Variants in TCF7L2 observed in about 807,000 individuals in gnomAD.
TCF7L2 encodes transcription factor 7 like 2, also known as transcription factor 7-like 2.
TCF7L2 carries 23 observed loss-of-function variants against 77.9 expected under a neutral mutation model. The observed-to-expected ratio is 0.30, with a 90% confidence interval of 0.21 to 0.42. The LOEUF (loss-of-function observed/expected upper bound fraction) is 0.42, where lower values mean the gene tolerates loss of function less well. TCF7L2 is among the 10% of genes least tolerant of loss of function. The pLI is 1.00. For missense variants in TCF7L2, 654 were observed against 793.1 expected (o/e 0.82, Z 2.11); for synonymous variants, 413 against 340.2 (o/e 1.21, Z -2.36).
intron 4 of TCF7L2, among the ~76,000 whole-genome samples, chr10:113,020,507 C>A (rs1564792296): frequency 6.6e-6 from 1 of 152,158 alleles, no homozygotes; most frequent in South Asian, 2.1e-4. Flanking sequence ...GCTGGAGGAC[C>A]AGATGGGCTT....
At chr10:113,089,332 G>T in intron 5 of TCF7L2, 3 of 1,543,814 alleles carry the variant, frequency 1.9e-6, no homozygotes, top group Non-Finnish European at 2.6e-6. Flanking sequence ...TGGGGGCTGT[G>T]TGTGCCTTGG....
intron 5 of TCF7L2, among the ~76,000 whole-genome samples, chr10:113,119,210 T>C (rs960263622): frequency 4.6e-5 from 7 of 152,156 alleles, no homozygotes; most frequent in African/African-American, 1.7e-4. Context: ...AGGCCAGTGG[T>C]CGATAGGAGA....
intron 4 of TCF7L2, among the ~76,000 whole-genome samples, chr10:113,007,568 G>A (rs962551199): frequency 1.1e-4 from 16 of 152,344 alleles, no homozygotes; most frequent in Non-Finnish European, 1.6e-4. Flanking sequence ...GTTGTGCTGC[G>A]TTGTGGCAGC....
At chr10:112,984,316 T>A (rs185952675) in intron 4 of TCF7L2, among the ~76,000 whole-genome samples, 127 of 152,240 alleles carry the variant, frequency 8.3e-4, no homozygotes, top group African/African-American at 2.8e-3. Flanking sequence ...TTGTTTTTGT[T>A]TTTTTTTGGC....
At chr10:113,008,465 C>A (rs1452826155) in intron 4 of TCF7L2, among the ~76,000 whole-genome samples, 1 of 152,206 alleles carries the variant, frequency 6.6e-6, no homozygotes, top group Non-Finnish European at 1.5e-5. Context: ...TGCCAGAATT[C>A]CCCTTGGATT....
chr10:113,019,095 G>T (rs576336883), intron 4 of TCF7L2, among the ~76,000 whole-genome samples: 1 of 152,326 alleles, frequency 6.6e-6, no homozygotes, highest in East Asian at 1.9e-4. Flanking sequence ...AGCAGTGAAT[G>T]GTAGAGCATC....
chr10:113,036,210 G>A (rs1283278145), intron 4 of TCF7L2, among the ~76,000 whole-genome samples: 1 of 151,540 alleles, frequency 6.6e-6, no homozygotes, highest in Non-Finnish European at 1.5e-5. Context: ...TTTATACAGA[G>A]CCCCCAGTAG....
intron 5 of TCF7L2, among the ~76,000 whole-genome samples, chr10:113,109,596 G>A (rs1422541183): frequency 6.6e-6 from 1 of 152,134 alleles, no homozygotes. Context: ...TCTCCACGTT[G>A]GCTAGGCTGG....
At chr10:112,958,178 T>G (rs1431617341) in intron 3 of TCF7L2, among the ~76,000 whole-genome samples, 1 of 152,204 alleles carries the variant, frequency 6.6e-6, no homozygotes, top group Non-Finnish European at 1.5e-5. Flanking sequence ...ACATCTGATT[T>G]CGGGCTAGTA....
In TCF7L2 at chr10:113,151,653, A is replaced by G. The variant is rs187991695; in HGVS notation, c.1002-72A>G. On this transcript the variant is annotated intron_variant, in intron 9 of 13. Coordinates refer to ENST00000627217, the MANE Select transcript of TCF7L2 (RefSeq NM_001146274.2). This position sits in a 1 kb window ranked among gnomAD's most constrained non-coding sequence, Gnocchi z 5.2. ...CTTGGGGGTTATGAGACAAGGAGAT[A>G]CGTTCCCTGCCATGGAGGAAGTTGG... 3.1e-5 allele frequency: 47 copies of G among 1,510,790 alleles called. No homozygotes were observed. The highest frequency in any genetic ancestry group is 4.4e-6 in the Non-Finnish European group (5 of 1,135,498). The allele number at this position is 1,510,790 out of a possible 1,614,324, so 93.6% of individuals were successfully genotyped here.
chr10:113,128,732 C>A (rs117482894), intron 5 of TCF7L2, among the ~76,000 whole-genome samples: 1 of 151,988 alleles, frequency 6.6e-6, no homozygotes, highest in Non-Finnish European at 1.5e-5. Flanking sequence ...GTCTGTAATC[C>A]CTCCATGAGC....
chr10:112,951,301 C>T, intron 2 of TCF7L2, 28 bp downstream of exon 2: 1 of 1,119,218 alleles, frequency 8.9e-7, no homozygotes, highest in Non-Finnish European at 1.1e-6. Context: ...GCCCCGCAGC[C>T]GCCCGGAGCC....
intron 5 of TCF7L2, among the ~76,000 whole-genome samples, chr10:113,133,595 G>C (rs1162770952): frequency 3.9e-5 from 6 of 152,202 alleles, no homozygotes; most frequent in Admixed American, 3.9e-4. Context: ...TTGCATGTGT[G>C]TGAGAGAATT....
At chr10:113,069,252 C>G (rs1318067278) in intron 5 of TCF7L2, among the ~76,000 whole-genome samples, 1 of 148,202 alleles carries the variant, frequency 6.7e-6, no homozygotes, top group Non-Finnish European at 1.5e-5. Flanking sequence ...TTTTTTTAGA[C>G]AGAGTCTCGC....
At chr10:112,974,954 A>C (rs1198638913) in intron 4 of TCF7L2, among the ~76,000 whole-genome samples, 1 of 150,034 alleles carries the variant, frequency 6.7e-6, no homozygotes, top group Non-Finnish European at 1.5e-5. Flanking sequence ...GATCAAACAG[A>C]TAAGTGGTTG....
intron 5 of TCF7L2, among the ~76,000 whole-genome samples, chr10:113,085,754 T>C (rs573701647): frequency 6.6e-6 from 1 of 152,306 alleles, no homozygotes; most frequent in Admixed American, 6.5e-5. Context: ...CTACCTTCTC[T>C]CTTGACTTGA....
chr10:113,141,373 C>G (rs1419705535), intron 6 of TCF7L2, 57 bp downstream of exon 6: 1 of 1,609,634 alleles, frequency 6.2e-7, no homozygotes, highest in East Asian at 2.2e-5. Flanking sequence ...TCTGGGGGAA[C>G]CTTTGAGGCC....
intron 5 of TCF7L2, among the ~76,000 whole-genome samples, chr10:113,139,808 A>AT (rs1244812641): frequency 5.0e-5 from 4 of 80,616 alleles, no homozygotes; most frequent in African/African-American, 2.2e-4. Flanking sequence ...TTCCTCACCC[A>AT]TTTAAAAAAA....
At chr10:113,157,087 G>A (rs186751914) in intron 11 of TCF7L2, among the ~76,000 whole-genome samples, 14 of 152,322 alleles carry the variant, frequency 9.2e-5, no homozygotes, top group Admixed American at 5.9e-4. Flanking sequence ...CTTTCTTACA[G>A]ATGTCCACTC....
Sources: gnomAD v4.1 joint callset for allele counts (sites outside exome capture counted in the v4.1 genomes callset) on GRCh38, gnomAD v4.1.1 for gene constraint, Gnocchi (gnomAD v3.1) non-coding constraint, MANE v1.5 for transcripts, NCBI Gene and HGNC (gene_info 2026-07-23, HGNC 2026-07-21) for gene names.